The following PLCB2 variants were observed in gnomAD, a reference collection of about 807,000 sequenced individuals.
PLCB2 encodes phospholipase C beta 2.
PLCB2 carries 115 observed loss-of-function variants against 141.7 expected under a neutral mutation model. The ratio of observed to expected loss-of-function variants is 0.81; its 90% CI spans 0.70 to 0.95. The LOEUF (loss-of-function observed/expected upper bound fraction) is 0.95. Among genes scored for constraint, PLCB2 ranks in the 40% least tolerant of loss-of-function variants. The probability of loss-of-function intolerance (pLI) is 0.00; values close to 1 mark genes in which losing one functional copy is unlikely to be tolerated. For synonymous variants in PLCB2, 603 were observed against 595.6 expected, an observed-to-expected ratio of 1.01 and a Z score of -0.18; for missense variants, 1,403 against 1,541.1, an observed-to-expected ratio of 0.91 and a Z score of 1.50.
At chr15:40,303,941 G>A in intron 2 of PLCB2, 60 bp downstream of exon 2, 2 of 1,194,834 alleles carry the variant, frequency 1.7e-6, no homozygotes, top group Non-Finnish European at 2.4e-6. Flanking sequence ...CAGCCAGGGG[G>A]CTGTCTGGCC....
chr15:40,294,908 A>T, intron 18 of PLCB2, 28 bp downstream of exon 18: 2 of 1,613,862 alleles, frequency 1.2e-6, no homozygotes, highest in East Asian at 4.5e-5. Flanking sequence ...CCAGGGAAGG[A>T]TTCTTAGGGG....
downstream of PLCB2, chr15:40,287,896 C>T (rs2039644721): frequency 1.0e-6 from 1 of 981,268 alleles, no homozygotes. Flanking sequence ...AGAGACCAGG[C>T]TTAAGCAGGA....
At chr15:40,304,102 T>A in intron 1 of PLCB2, 24 bp from the exon 2 acceptor site, 1 of 1,552,330 alleles carries the variant, frequency 6.4e-7, no homozygotes, top group Non-Finnish European at 8.8e-7. Flanking sequence ...GAGCCAGCAC[T>A]CTGTTCCAAG....
downstream of PLCB2, chr15:40,287,832 C>T (rs895881582): frequency 2.6e-5 from 18 of 682,146 alleles, no homozygotes; most frequent in Middle Eastern, 7.4e-4. Context: ...TTCCCCAGCC[C>T]GTTTCATTTC....
In PLCB2 at chr15:40,288,718, G is replaced by A; in HGVS notation, c.3555C>T (p.Leu1185=). The change falls in exon 32 of 32, where the codon CTC becomes CTT. Residue 1185 remains leucine (L), a synonymous_variant. Coordinates refer to ENST00000260402, the MANE Select transcript of PLCB2 (RefSeq NM_004573.3). ...IAKADAQESR[L] ...ATGTCCCAGTGGGATGGGGGCATCA[G>A]AGGCGGCTCTCCTGGGCATCTGCCT... 1 of 1,585,648 alleles carries A rather than the reference G, an allele frequency of 6.3e-7. No homozygotes were observed. The highest frequency in any genetic ancestry group is 1.1e-5 in the South Asian group (1 of 89,492).
chr15:40,286,858 G>C (rs1264013183), downstream of PLCB2, among the ~76,000 whole-genome samples: 2 of 152,252 alleles, frequency 1.3e-5, no homozygotes, highest in East Asian at 3.8e-4. Flanking sequence ...TCCGGGGGCA[G>C]GATTGCATCG....
In PLCB2 at chr15:40,288,162, G is replaced by A. The variant is rs1243808191; in HGVS notation, c.*553C>T. The A allele has an allele frequency of 2.0e-6, 2 of 985,530 alleles. No individual in the cohort carries two copies. Among genetic ancestry groups the A allele is most frequent in the South Asian group, 4.7e-5 (1 of 21,296 alleles). 61.0% of individuals were successfully genotyped at this position (985,530 alleles called of 1,614,324 possible). A position where few individuals can be genotyped will look rare whatever the true frequency, so the allele number is the denominator to read the frequency against. On this transcript the variant is annotated 3_prime_UTR_variant, in exon 32 of 32. Transcript: ENST00000260402. ...TTTTCCATTTCAGCCTCCCGTTCCG[G>A]ACAGGCAGAGGGGAGGGGAGGGCCC... is the stretch of plus-strand genomic sequence containing the variant.
At chr15:40,298,487 T>C in intron 10 of PLCB2, 75 bp downstream of exon 10, 7 of 1,605,658 alleles carry the variant, frequency 4.4e-6, no homozygotes, top group Non-Finnish European at 5.1e-6. Flanking sequence ...GCCAGCAGCA[T>C]GTGGGCAACC....
At position 40,291,152 on chromosome 15, in the gene PLCB2, C is replaced by T. The variant is rs2039884510; in HGVS notation, c.2902G>A (p.Ala968Thr). ...ACGCCCTCAGGGCCCTCGCCCGGCG[C>T]GGCTCCGGCGCTCTCCTCGCGGGGC... is the stretch of plus-strand genomic sequence containing the variant. ...SLPREESAGA[A>T]PGEGPEGVDG... is the part of the protein sequence containing the mutation. Residue 968 changes from alanine to threonine, a missense_variant, in exon 27 of 32, where the codon GCG becomes ACG. Around this residue, in one of 4 missense-constraint regions of PLCB2, gnomAD observed 290 missense variants for 245.9 expected, o/e 1.18. Coordinates refer to ENST00000260402, the MANE Select transcript of PLCB2 (RefSeq NM_004573.3). 1 of 1,570,410 alleles carries T rather than the reference C, an allele frequency of 6.4e-7. No individual in the cohort carries two copies. Among genetic ancestry groups the T allele is most frequent in the Non-Finnish European group, 8.6e-7 (1 of 1,165,870 alleles).
chr15:40,289,701 C>T (rs1595625491), intron 30 of PLCB2: 1 of 513,692 alleles, frequency 1.9e-6, no homozygotes, highest in East Asian at 3.5e-5. Context: ...TCCCCTGACC[C>T]TCGCCAGTCC....
At chr15:40,305,525 G>T (rs1219076019) in intron 1 of PLCB2, among the ~76,000 whole-genome samples, 1 of 152,214 alleles carries the variant, frequency 6.6e-6, no homozygotes, top group Non-Finnish European at 1.5e-5. Context: ...ATGGGTATTT[G>T]CTGGGGTCCA....
intron 19 of PLCB2, among the ~76,000 whole-genome samples, chr15:40,293,949 C>T (rs544423733): frequency 1.3e-4 from 20 of 152,328 alleles, no homozygotes; most frequent in African/African-American, 4.6e-4. Context: ...GGGCCTCCCA[C>T]CTCCCTCCCT....
At chr15:40,285,256 A>G (rs1244765745), downstream of PLCB2, among the ~76,000 whole-genome samples, 1 of 152,176 alleles carries the variant, frequency 6.6e-6, no homozygotes, top group Non-Finnish European at 1.5e-5. Context: ...TGCATTTGTT[A>G]AGCCTTTGGT....
At chr15:40,295,817 G>A (rs185210489) in intron 16 of PLCB2, among the ~76,000 whole-genome samples, 6 of 152,284 alleles carry the variant, frequency 3.9e-5, no homozygotes, top group Admixed American at 2.0e-4. Context: ...AGAGGTGCTC[G>A]TGCATGGGAC....
rs1294845001 is a variant in PLCB2 at position 40,291,182 on chromosome 15, T to C, written c.2872A>G (p.Ser958Gly). The C allele has an allele frequency of 6.4e-7, 1 of 1,571,884 alleles. No individual in the cohort carries two copies. ...CCGGCGCTCTCCTCGCGGGGCAGGC[T>C]CCTGGGGAGGCCACGTGGGGACAGG... ...GPGKGSRKKR[S>G]LPREESAGAA... The change falls in exon 27 of 32, where the codon AGC (serine) becomes GGC (glycine). Residue 958 changes from serine (S) to glycine (G), a missense_variant and splice_region_variant. This residue lies in a region of PLCB2 where 290 missense variants were observed against 245.9 expected (regional missense o/e 1.18). Coordinates refer to ENST00000260402, the MANE Select transcript of PLCB2 (RefSeq NM_004573.3).
chr15:40,287,338 C>T (rs113000381), downstream of PLCB2, among the ~76,000 whole-genome samples: 1,512 of 152,242 alleles, frequency 9.9e-3, 20 homozygotes, highest in Middle Eastern at 0.034. Context: ...AACAGGTGCT[C>T]ACAGCTAACG....
chr15:40,293,091 G>T (rs1263308313), intron 20 of PLCB2, 66 bp from the exon 21 acceptor site: 2 of 980,294 alleles, frequency 2.0e-6, no homozygotes, highest in Non-Finnish European at 3.1e-6. Context: ...CCCCTCCCTG[G>T]CTCCAGAAGT....
chr15:40,287,038 A>G (rs924986480), downstream of PLCB2, among the ~76,000 whole-genome samples: 3 of 152,130 alleles, frequency 2.0e-5, no homozygotes, highest in African/African-American at 7.2e-5. Flanking sequence ...TTACGTGCAC[A>G]TGCCTGGGTC....
intron 21 of PLCB2, 26 bp downstream of exon 21, chr15:40,292,900 G>A (rs1436259929): frequency 1.4e-6 from 2 of 1,460,392 alleles, no homozygotes; most frequent in Non-Finnish European, 1.9e-6. Flanking sequence ...GCTGATCTTG[G>A]AACAGTGAAG....
Sources: allele counts gnomAD v4.1 joint callset (sites outside exome capture counted in the v4.1 genomes callset), GRCh38; gene constraint gnomAD v4.1.1; regional missense constraint gnomAD v4.1.1; transcripts MANE v1.5; gene names NCBI Gene and HGNC (gene_info 2026-07-23, HGNC 2026-07-21).